The following DMPK variants were observed in gnomAD, a reference collection of about 807,000 sequenced individuals.
The protein encoded by DMPK is myotonin-protein kinase.
A neutral mutation model predicts 70.3 loss-of-function variants in DMPK; 32 were observed. That is an observed-to-expected ratio of 0.46 (90% CI 0.34 to 0.61). DMPK has a LOEUF of 0.61. Ranked by LOEUF, DMPK falls within the 20% of genes least tolerant of loss-of-function variation. DMPK has a pLI of 0.01. For synonymous variants in DMPK, 469 were observed against 390.9 expected, an observed-to-expected ratio of 1.20 and a Z score of -2.36; for missense variants, 899 against 886.0, an observed-to-expected ratio of 1.01 and a Z score of -0.19.
Position 45,769,907 on chromosome 19 carries a change from C to G in DMPK, c.*581G>C. ...TAAATATCCAAACCGCCGAAGCGGGCGGAGCCGGCTGGGGCTCCGAGAGCA... is the reference window on the plus strand; with the variant it reads ...TAAATATCCAAACCGCCGAAGCGGGGGGAGCCGGCTGGGGCTCCGAGAGCA... On this transcript the variant is annotated 3_prime_UTR_variant, in exon 15 of 15. Transcript: ENST00000291270. The G allele has an allele frequency of 3.5e-6, 1 of 281,972 alleles. No individual in the cohort carries two copies. The highest frequency in any genetic ancestry group is 6.9e-6 in the Non-Finnish European group (1 of 144,590). The allele number at this position is 281,972 out of a possible 1,614,324, so 17.5% of individuals were successfully genotyped here.
chr19:45,772,743 C>T lies in DMPK; in HGVS notation c.1242G>A (p.Glu414=), dbSNP rs746248791. The change falls in exon 10 of 15, where the codon GAG becomes GAA. Residue 414 remains glutamate (E), a synonymous_variant. Coordinates refer to ENST00000291270, the MANE Select transcript of DMPK (RefSeq NM_004409.5). The part of the protein sequence containing the change: ...SYSCMALRDS[E]VPGPTPMELE... ...GTTCCATGGGTGTGGGGCCTGGGAC[C>T]TCACTGTCCCTGGGGAGAGGAGGAG... 7.4e-6 allele frequency: 11 copies of T among 1,494,886 alleles called. No individual in the cohort carries two copies. In the African/African-American group the frequency reaches 1.5e-4, roughly 20 times the overall value. 92.6% of individuals were successfully genotyped at this position (1,494,886 alleles called of 1,614,324 possible). A position where few individuals can be genotyped will look rare whatever the true frequency, so the allele number is the denominator to read the frequency against.
At chr19:45,770,720 T>A in intron 14 of DMPK, 80 bp from the exon 15 acceptor site, 2 of 1,463,858 alleles carry the variant, frequency 1.4e-6, no homozygotes, top group Non-Finnish European at 1.8e-6. Flanking sequence ...CGCCCATAGG[T>A]GGGCCCGCAC....
Position 45,782,400 on chromosome 19 carries a change from T to G in DMPK, c.-48A>C. On this transcript the variant is annotated 5_prime_UTR_variant, in exon 1 of 15. Transcript: ENST00000291270. ...CCCTCCCCGGGCCGGGGGCTCGGGG[T>G]CCTCCTGTCACAGGGCCTGGCAGCC... 1 of 1,494,182 alleles carries G rather than the reference T, an allele frequency of 6.7e-7. No homozygotes were observed. Among genetic ancestry groups the G allele is most frequent in the Non-Finnish European group, 8.9e-7 (1 of 1,122,218 alleles). 92.6% of individuals were successfully genotyped at this position (1,494,182 alleles called of 1,614,324 possible). A position where few individuals can be genotyped will look rare whatever the true frequency, so the allele number is the denominator to read the frequency against.
intron 1 of DMPK, 33 bp downstream of exon 1, chr19:45,782,160 C>A: frequency 2.2e-6 from 3 of 1,355,534 alleles, no homozygotes; most frequent in East Asian, 2.7e-5. Context: ...CACCCCCACC[C>A]CATCTGCAGG....
rs1568584432 is a variant in DMPK, at chr19:45,779,291, G to A, written c.405C>T (p.His135=). The change falls in exon 4 of 15, where the codon CAC becomes CAT. Residue 135 remains histidine, a synonymous_variant. Coordinates refer to ENST00000291270, the MANE Select transcript of DMPK (RefSeq NM_004409.5). ...GGTAGTTCTCATCCTGGAAGGCGAA[G>A]TGCAGCTGCGTGATCCACCGCCGGT... ...NGDRRWITQL[H]FAFQDENYLY... 7.4e-6 allele frequency: 12 copies of A among 1,614,038 alleles called. No homozygotes were observed. Among genetic ancestry groups the A allele is most frequent in the Non-Finnish European group, 8.5e-6 (10 of 1,180,026 alleles).
chr19:45,774,428 A>AT (rs1433442815), intron 9 of DMPK, among the ~76,000 whole-genome samples: 2 of 151,020 alleles, frequency 1.3e-5, no homozygotes, highest in African/African-American at 2.4e-5. Flanking sequence ...TGCCCGGCTA[A>AT]TTTTTTTGTA....
Position 45,778,638 on chromosome 19 carries a change from G to A in DMPK, c.436C>T (p.Leu146=). ...CCGCCCACGTAATACTCCATGACCA[G>A]GTACTGAGAAGGGGTTCGTCATGGG... is the stretch of plus-strand genomic sequence containing the variant. The part of the protein sequence containing the change: ...FAFQDENYLY[L]VMEYYVGGDL... The change falls in exon 5 of 15, where the codon CTG becomes TTG. Residue 146 remains leucine (L), a synonymous_variant. Transcript: ENST00000291270. The A allele has an allele frequency of 1.2e-6, 2 of 1,613,458 alleles. No individual in the cohort carries two copies. Among genetic ancestry groups the A allele is most frequent in the Non-Finnish European group, 1.7e-6 (2 of 1,179,816 alleles).
At chr19:45,778,834 A>T (rs1969939600) in intron 4 of DMPK, 193 bp from the exon 5 acceptor site, 1 of 607,622 alleles carries the variant, frequency 1.6e-6, no homozygotes, top group Non-Finnish European at 2.8e-6. Context: ...CCCTCAAAAA[A>T]AAACACAAAC....
chr19:45,771,025 G>C lies in DMPK; in HGVS notation c.1683C>G (p.Cys561Trp), dbSNP rs901999334. ...GCATGGGGCCTGGCCCCACCAGCGG[G>C]CACTGGCCCACAGCCACGGCCGGGG... ...DGPPAVAVGQCPLVGPGPMHR... is the reference protein window; with the variant it reads ...DGPPAVAVGQWPLVGPGPMHR... The change falls in exon 14 of 15, where the codon TGC (cysteine) becomes TGG (tryptophan). Residue 561 changes from cysteine (C) to tryptophan (W), a missense_variant. Around this residue, in one of 3 missense-constraint regions of DMPK, gnomAD observed 555 missense variants for 483.8 expected, o/e 1.15. Coordinates refer to ENST00000291270, the MANE Select transcript of DMPK (RefSeq NM_004409.5). 2 of 1,489,904 alleles carry C rather than the reference G, an allele frequency of 1.3e-6. No individual in the cohort carries two copies. Among genetic ancestry groups the C allele is most frequent in the Admixed American group, 4.8e-5 (2 of 41,456 alleles). The allele number at this position is 1,489,904 out of a possible 1,614,324, so 92.3% of individuals were successfully genotyped here.
At position 45,779,984 on chromosome 19, in the gene DMPK, T is replaced by C. The variant is rs775976010; in HGVS notation, c.161-115A>G. 2.6e-6 allele frequency: 4 copies of C among 1,567,650 alleles called. No homozygotes were observed. The highest frequency in any genetic ancestry group is 3.5e-6 in the Non-Finnish European group (4 of 1,155,780). ...TTCTCTCTGCCTCTCAGCTTCACCC[T>C]AGGACTGTCTGCTTCCCAGGGGCTT... On this transcript the variant is annotated intron_variant, in intron 1 of 14. Coordinates refer to ENST00000291270, the MANE Select transcript of DMPK (RefSeq NM_004409.5).
chr19:45,771,760 C>CCGATCCCGACCT lies in DMPK; in HGVS notation c.1501_1502+10dup. 3.8e-6 allele frequency: 6 copies of CCGATCCCGACCT among 1,582,602 alleles called. No individual in the cohort carries two copies. The highest frequency in any genetic ancestry group is 5.2e-6 in the Non-Finnish European group (6 of 1,163,908). ...CCGCATCCCGGCCCCGGCCCCGGCC[C>CCGATCCCGACCT]CGATCCCGACCTGGCGAAGTTCTGG... On this transcript the variant is annotated intron_variant, in intron 11 of 14. Coordinates refer to ENST00000291270, the MANE Select transcript of DMPK (RefSeq NM_004409.5).
chr19:45,780,747 C>T (rs977231453), intron 1 of DMPK: 32 of 405,612 alleles, frequency 7.9e-5, no homozygotes, highest in Admixed American at 1.9e-4. Flanking sequence ...CGGGGGGTTC[C>T]GGGAGAGTGG....
intron 4 of DMPK, 139 bp downstream of exon 4, chr19:45,779,125 C>T (rs1969958457): frequency 1.2e-6 from 1 of 842,926 alleles, no homozygotes; most frequent in Non-Finnish European, 2.0e-6. Context: ...ACCTGACACA[C>T]CCTCTTACCG....
In DMPK at chr19:45,777,413, AG is replaced by A. The variant is rs1287066364; in HGVS notation, c.1059del (p.Phe354LeufsTer25). ...DWDGLRDSVP[P>X]FTPDFEGATD... ...GTGGCACCTTCGAAATCCGGTGTAA[AG>A]GGGGGCACGCTGTCCCGGAGACCAT... On this transcript the variant is annotated frameshift_variant, in exon 8 of 15. Transcript: ENST00000291270. LOFTEE classifies it high-confidence loss of function. The surrounding 1 kb of genome is among the most constrained non-coding windows in gnomAD (Gnocchi z 6.7). 1 of 1,613,146 alleles carries A rather than the reference AG, an allele frequency of 6.2e-7. No individual in the cohort carries two copies. Among genetic ancestry groups the A allele is most frequent in the Non-Finnish European group, 8.5e-7 (1 of 1,179,844 alleles).
At chr19:45,771,443 G>A (rs201338891) in intron 12 of DMPK, 47 bp from the exon 13 acceptor site, 6 of 1,610,972 alleles carry the variant, frequency 3.7e-6, no homozygotes, top group Non-Finnish European at 5.1e-6. Flanking sequence ...GGGCGAAGGA[G>A]GGCGGTGGCG....
At chr19:45,770,875 G>A in intron 14 of DMPK, 96 bp downstream of exon 14, 1 of 1,077,126 alleles carries the variant, frequency 9.3e-7, no homozygotes, top group Non-Finnish European at 1.3e-6. Flanking sequence ...CTCCTGCCGT[G>A]GGCCCAGCCC....
intron 14 of DMPK, 125 bp from the exon 15 acceptor site, chr19:45,770,765 AC>A: frequency 1.7e-6 from 2 of 1,171,546 alleles, no homozygotes; most frequent in Non-Finnish European, 1.2e-6. Flanking sequence ...CCAACAGCCT[AC>A]AGCTGTTGTT....
chr19:45,770,718 G>C, intron 14 of DMPK, 78 bp from the exon 15 acceptor site: 1 of 1,470,950 alleles, frequency 6.8e-7, no homozygotes, highest in South Asian at 1.3e-5. Flanking sequence ...TACGCCCATA[G>C]GTGGGCCCGC....
Position 45,779,876 on chromosome 19 carries a change from G to A in DMPK, c.161-7C>T. The A allele has an allele frequency of 6.2e-7, 1 of 1,613,570 alleles. No individual in the cohort carries two copies. The highest frequency in any genetic ancestry group is 8.5e-7 in the Non-Finnish European group (1 of 1,179,888). Reference sequence around the variant, plus strand: ...CTCACCACGATGGGCTCCGCTGGGGGGGTGGTGGGGGAAAAGAACCGAGGG... The same window carrying A: ...CTCACCACGATGGGCTCCGCTGGGGAGGTGGTGGGGGAAAAGAACCGAGGG... On this transcript the variant is annotated splice_region_variant and splice_polypyrimidine_tract_variant and intron_variant, in intron 1 of 14. Coordinates refer to ENST00000291270, the MANE Select transcript of DMPK (RefSeq NM_004409.5).
Sources: gnomAD v4.1 joint callset for allele counts (sites outside exome capture counted in the v4.1 genomes callset) on GRCh38, gnomAD v4.1.1 for gene constraint, gnomAD v4.1.1 regional missense constraint, Gnocchi (gnomAD v3.1) non-coding constraint, MANE v1.5 for transcripts, NCBI Gene and HGNC (gene_info 2026-07-23, HGNC 2026-07-21) for gene names.